Variants in CPQ observed in about 807,000 individuals in gnomAD.
CPQ encodes the protein carboxypeptidase Q.
In CPQ, 37 loss-of-function variants were observed where a neutral mutation model predicts 45.7. The observed-to-expected ratio is 0.81, with a 90% CI of 0.62 to 1.07. CPQ has a LOEUF of 1.07. Ranked by LOEUF, CPQ falls within the 50% of genes least tolerant of loss-of-function variation. The pLI is 0.00. For missense variants in CPQ, 537 were observed against 572.9 expected (o/e 0.94, Z 0.64); for synonymous variants, 186 against 205.8 (o/e 0.90, Z 0.82).
chr8:96,931,434 G>GT (rs145903187), intron 4 of CPQ, among the ~76,000 whole-genome samples: 4,850 of 152,016 alleles, frequency 0.032, 272 homozygotes, highest in African/African-American at 0.11. Flanking sequence ...TTTTGTTTTT[G>GT]TTTTTTTATA....
chr8:96,679,547 G>T (rs1487183946), intron 1 of CPQ, among the ~76,000 whole-genome samples: 1 of 152,000 alleles, frequency 6.6e-6, no homozygotes, highest in African/African-American at 2.4e-5. Flanking sequence ...AAAGCCATCT[G>T]CTCCTGGTCT....
intron 4 of CPQ, among the ~76,000 whole-genome samples, chr8:96,891,762 G>T (rs937162730): frequency 2.6e-5 from 4 of 152,118 alleles, no homozygotes; most frequent in Non-Finnish European, 5.9e-5. Context: ...CACCATAGCT[G>T]CATGGTAAGA....
chr8:96,979,442 T>C (rs1183587942), intron 5 of CPQ, among the ~76,000 whole-genome samples: 3 of 152,248 alleles, frequency 2.0e-5, no homozygotes, highest in Non-Finnish European at 4.4e-5. Flanking sequence ...AGCCAGCTTC[T>C]ACTTCTCTAT....
chr8:96,811,936 C>T (rs1029546115), intron 2 of CPQ, among the ~76,000 whole-genome samples: 3 of 152,072 alleles, frequency 2.0e-5, no homozygotes, highest in Non-Finnish European at 2.9e-5. Context: ...GAAATATAAA[C>T]CAAATGTTTG....
intron 2 of CPQ, among the ~76,000 whole-genome samples, chr8:96,811,761 A>G (rs946481449): frequency 9.2e-5 from 14 of 152,202 alleles, no homozygotes; most frequent in African/African-American, 3.4e-4. Flanking sequence ...CCAAGGGCCA[A>G]TAACTTCTTG....
At chr8:96,872,216 C>G (rs1444436579) in intron 3 of CPQ, among the ~76,000 whole-genome samples, 3 of 151,860 alleles carry the variant, frequency 2.0e-5, no homozygotes, top group African/African-American at 7.2e-5. Flanking sequence ...TGAGATACAC[C>G]TTATATACAT....
chr8:96,647,429 T>C (rs867550820), intron 1 of CPQ, among the ~76,000 whole-genome samples: 4 of 152,226 alleles, frequency 2.6e-5, no homozygotes, highest in Admixed American at 6.5e-5. Flanking sequence ...TTTTTACTTA[T>C]ATTGCCCCAT....
chr8:96,686,858 T>C (rs1017643727), intron 1 of CPQ, among the ~76,000 whole-genome samples: 2 of 152,174 alleles, frequency 1.3e-5, no homozygotes, highest in African/African-American at 2.4e-5. Context: ...TGTCCTCCTT[T>C]TAAAACAGAT....
At chr8:96,817,323 C>T (rs1046505152) in intron 2 of CPQ, among the ~76,000 whole-genome samples, 2 of 152,044 alleles carry the variant, frequency 1.3e-5, no homozygotes, top group Non-Finnish European at 2.9e-5. Context: ...TCATGGTGCT[C>T]CAAAACAATT....
intron 7 of CPQ, among the ~76,000 whole-genome samples, chr8:97,084,801 G>A (rs1811012347): frequency 6.9e-6 from 1 of 145,282 alleles, no homozygotes; most frequent in Admixed American, 6.8e-5. Context: ...TTATTATGAT[G>A]TGTGTATACT....
At chr8:96,942,192 C>G (rs1813131084) in intron 4 of CPQ, among the ~76,000 whole-genome samples, 1 of 152,156 alleles carries the variant, frequency 6.6e-6, no homozygotes, top group Admixed American at 6.5e-5. Context: ...AACTTGATTT[C>G]ACAAGTAAAC....
intron 1 of CPQ, among the ~76,000 whole-genome samples, chr8:96,777,061 G>A (rs1810614489): frequency 6.6e-6 from 1 of 152,116 alleles, no homozygotes; most frequent in Non-Finnish European, 1.5e-5. Context: ...GAGAGCAGTA[G>A]AGTTTTTTTT....
At chr8:96,652,993 G>A (rs1477075787) in intron 1 of CPQ, among the ~76,000 whole-genome samples, 1 of 152,136 alleles carries the variant, frequency 6.6e-6, no homozygotes, top group East Asian at 1.9e-4. Context: ...GTACAGGGGC[G>A]TGATCTTGGC....
chr8:96,984,979 A>T (rs951750524), intron 5 of CPQ, among the ~76,000 whole-genome samples: 1 of 152,200 alleles, frequency 6.6e-6, no homozygotes, highest in Non-Finnish European at 1.5e-5. Context: ...AGTTCCTTTA[A>T]TAGAGTTCTG....
intron 4 of CPQ, among the ~76,000 whole-genome samples, chr8:96,943,224 G>C (rs1813146233): frequency 6.6e-6 from 1 of 152,128 alleles, no homozygotes; most frequent in Admixed American, 6.5e-5. Flanking sequence ...TGACCTGTAA[G>C]TAAATTATTA....
At chr8:96,973,581 G>A (rs909703201) in intron 5 of CPQ, among the ~76,000 whole-genome samples, 1 of 152,126 alleles carries the variant, frequency 6.6e-6, no homozygotes, top group African/African-American at 2.4e-5. Flanking sequence ...GTTAACTAAA[G>A]TCAAGATAAA....
intron 1 of CPQ, among the ~76,000 whole-genome samples, chr8:96,719,927 C>G (rs1248348608): frequency 1.3e-5 from 2 of 152,182 alleles, no homozygotes; most frequent in Non-Finnish European, 2.9e-5. Context: ...AGGGGACTTA[C>G]GGTTTTCTGC....
intron 1 of CPQ, among the ~76,000 whole-genome samples, chr8:96,655,953 C>G (rs893119011): frequency 3.9e-5 from 6 of 152,190 alleles, no homozygotes; most frequent in African/African-American, 1.4e-4. Flanking sequence ...CTCCTGGGCT[C>G]ATAAGATTCT....
intron 7 of CPQ, among the ~76,000 whole-genome samples, chr8:97,098,125 G>C (rs1484583778): frequency 6.6e-6 from 1 of 152,164 alleles, no homozygotes; most frequent in Non-Finnish European, 1.5e-5. Flanking sequence ...GATTGATGGA[G>C]AGAGTTGGGG....
Sources: allele counts gnomAD v4.1 joint callset (sites outside exome capture counted in the v4.1 genomes callset), GRCh38; gene constraint gnomAD v4.1.1; transcripts MANE v1.5; gene names NCBI Gene and HGNC (gene_info 2026-07-23, HGNC 2026-07-21).